Variants in SCN8A observed in about 807,000 individuals in gnomAD.
The protein encoded by SCN8A is sodium voltage-gated channel alpha subunit 8, also known as sodium channel protein type 8 subunit alpha.
SCN8A carries 30 observed loss-of-function variants against 184.1 expected under a neutral mutation model. The observed-to-expected ratio is 0.16, with a 90% confidence interval of 0.12 to 0.22. The LOEUF is 0.22. Ranked by LOEUF, SCN8A falls within the 10% of genes least tolerant of loss-of-function variation. The pLI is 1.00. For missense variants in SCN8A, 1,057 were observed against 2,498.9 expected (o/e 0.42, Z 12.30); for synonymous variants, 852 against 907.0 (o/e 0.94, Z 1.09).
intron 7 of SCN8A, among the ~76,000 whole-genome samples, 200 bp downstream of exon 7, chr12:51,699,991 A>G (rs1338166150): frequency 1.3e-5 from 2 of 151,808 alleles, no homozygotes; most frequent in Non-Finnish European, 2.9e-5. Context: ...ACATGGAGAA[A>G]CCCTCTCTCT....
chr12:51,672,278 A>C (rs556279365), intron 2 of SCN8A, among the ~76,000 whole-genome samples: 1 of 152,286 alleles, frequency 6.6e-6, no homozygotes, highest in South Asian at 2.1e-4. Flanking sequence ...GCCTGACTGC[A>C]TCCTCACCCC....
chr12:51,602,514 C>T (rs1287531243), intron 1 of SCN8A, among the ~76,000 whole-genome samples: 1 of 152,072 alleles, frequency 6.6e-6, no homozygotes, highest in Admixed American at 6.6e-5. Flanking sequence ...TGAGATTGTT[C>T]TGGAGATTTG....
intron 1 of SCN8A, among the ~76,000 whole-genome samples, chr12:51,647,455 G>A (rs930380986): frequency 3.3e-5 from 5 of 152,140 alleles, no homozygotes; most frequent in African/African-American, 1.2e-4. Flanking sequence ...GACGTAGGAA[G>A]GAAAGACTTC....
chr12:51,724,316 A>G (rs190328273), intron 12 of SCN8A, among the ~76,000 whole-genome samples: 1 of 152,260 alleles, frequency 6.6e-6, no homozygotes, highest in Admixed American at 6.5e-5. Flanking sequence ...GCATGGTGGT[A>G]TGCGCCTATA....
intron 11 of SCN8A, among the ~76,000 whole-genome samples, chr12:51,715,114 G>A: frequency 6.6e-6 from 1 of 152,148 alleles, no homozygotes; most frequent in East Asian, 1.9e-4. Flanking sequence ...CTGGGTACAA[G>A]GAGAAATGGA....
intron 2 of SCN8A, 55 bp downstream of exon 2, chr12:51,663,148 G>A: frequency 6.4e-7 from 1 of 1,571,940 alleles, no homozygotes; most frequent in Non-Finnish European, 8.7e-7. Flanking sequence ...CAGGCTTAGG[G>A]AGATGGGGGA....
Position 51,806,507 on chromosome 12 carries a change from C to T in SCN8A, c.5021C>T (p.Ala1674Val). ...TCCATTTTTGGGATGTCCAATTTTG[C>T]ATATGTGAAGCACGAGGCTGGTATC... ...IFSIFGMSNF[A>V]YVKHEAGIDD... Residue 1674 changes from alanine (A) to valine (V), a missense_variant, in exon 27 of 27, where the codon GCA becomes GTA. Physicochemically the swap from Ala to Val is moderately conservative, Grantham distance 64 (BLOSUM62 0). This residue lies in a region of SCN8A where 19 missense variants were observed against 41.6 expected (regional missense o/e 0.46). Transcript: ENST00000627620. This position sits in a 1 kb window ranked among gnomAD's most constrained non-coding sequence, Gnocchi z 8.7. The T allele has an allele frequency of 6.2e-7, 1 of 1,614,202 alleles. No individual in the cohort carries two copies. The highest frequency in any genetic ancestry group is 1.7e-5 in the Admixed American group (1 of 60,034).
intron 20 of SCN8A, 111 bp downstream of exon 20, chr12:51,774,473 G>T: frequency 2.0e-6 from 2 of 978,306 alleles, no homozygotes; most frequent in South Asian, 1.8e-5. Context: ...AGATCAAGAT[G>T]TAGATGTAGG....
At chr12:51,708,184 G>T (rs1192435939) in intron 11 of SCN8A, among the ~76,000 whole-genome samples, 1 of 152,148 alleles carries the variant, frequency 6.6e-6, no homozygotes, top group African/African-American at 2.4e-5. Flanking sequence ...AATTATAGGG[G>T]ATAATAATAA....
intron 1 of SCN8A, among the ~76,000 whole-genome samples, chr12:51,593,327 G>A (rs1348580154): frequency 1.3e-5 from 2 of 152,202 alleles, no homozygotes; most frequent in Admixed American, 1.3e-4. Flanking sequence ...GTGTTTCTGA[G>A]TAGAGCTGGT....
chr12:51,760,569 T>C (rs1306860812), intron 14 of SCN8A, among the ~76,000 whole-genome samples: 1 of 152,218 alleles, frequency 6.6e-6, no homozygotes, highest in African/African-American at 2.4e-5. Flanking sequence ...AAATCAAGTC[T>C]CTACTTAGTG....
chr12:51,775,417 T>C (rs1351761233), intron 20 of SCN8A, among the ~76,000 whole-genome samples: 2 of 152,192 alleles, frequency 1.3e-5, no homozygotes, highest in East Asian at 1.9e-4. Context: ...TTGTCTGCAA[T>C]TTCCATGGTT....
chr12:51,731,705 C>A (rs1942245638), intron 12 of SCN8A, among the ~76,000 whole-genome samples: 1 of 152,036 alleles, frequency 6.6e-6, no homozygotes, highest in African/African-American at 2.4e-5. Context: ...CAAGAATTCC[C>A]TTTTCTCCAC....
At chr12:51,780,116 T>C in intron 20 of SCN8A, 1 of 375,950 alleles carries the variant, frequency 2.7e-6, no homozygotes, top group Non-Finnish European at 5.5e-6. Context: ...AAAGAGCTTG[T>C]CCCTCTTGGA....
intron 20 of SCN8A, among the ~76,000 whole-genome samples, chr12:51,780,036 C>T (rs912910661): frequency 3.3e-5 from 5 of 152,148 alleles, no homozygotes; most frequent in South Asian, 2.1e-4. Flanking sequence ...ACTTATTGAA[C>T]GTTTTCATTG....
Position 51,747,558 on chromosome 12 carries a change from G to C in SCN8A, c.2131+1523G>C, listed in dbSNP as rs946008997. ...CATTTTATTATTGGTAGAGACATCA[G>C]AACAGCAGAACTATCAATACAGTGC... On this transcript the variant is annotated intron_variant, in intron 13 of 26. Transcript: ENST00000627620. 2.0e-5 allele frequency among the ~76,000 whole-genome samples: 3 copies of C among 152,176 alleles called. No homozygotes were observed. In the East Asian group the frequency reaches 5.8e-4, roughly 29 times the overall value.
intron 11 of SCN8A, chr12:51,712,669 A>G (rs1941898765): frequency 3.6e-6 from 3 of 826,578 alleles, no homozygotes; most frequent in African/African-American, 1.7e-5. Context: ...CATTGTAACC[A>G]TCATATCCTC....
At chr12:51,612,327 A>G (rs893824979) in intron 1 of SCN8A, among the ~76,000 whole-genome samples, 1 of 152,114 alleles carries the variant, frequency 6.6e-6, no homozygotes, top group Non-Finnish European at 1.5e-5. Flanking sequence ...ACACTTGGCT[A>G]ATTTTTAAAA....
At chr12:51,613,264 A>G (rs1353628855) in intron 1 of SCN8A, among the ~76,000 whole-genome samples, 1 of 152,176 alleles carries the variant, frequency 6.6e-6, no homozygotes, top group Non-Finnish European at 1.5e-5. Flanking sequence ...GAAGGTTTTA[A>G]ACTATAGGTT....
Sources: allele counts gnomAD v4.1 joint callset (sites outside exome capture counted in the v4.1 genomes callset), GRCh38; gene constraint gnomAD v4.1.1; regional missense constraint gnomAD v4.1.1; non-coding constraint Gnocchi (gnomAD v3.1); transcripts MANE v1.5; gene names NCBI Gene and HGNC (gene_info 2026-07-23, HGNC 2026-07-21).